The following SEMA6D variants were observed in gnomAD, a reference collection of about 807,000 sequenced individuals.
The protein encoded by SEMA6D is semaphorin 6D, also known as semaphorin-6D.
Under a neutral mutation model 106.6 loss-of-function variants are expected in SEMA6D, and 35 were observed. That is an observed-to-expected ratio of 0.33 (90% CI 0.25 to 0.44). SEMA6D has a LOEUF of 0.44. Among genes scored for constraint, SEMA6D ranks in the 20% least tolerant of loss-of-function variants. The pLI, the probability that SEMA6D is intolerant of heterozygous loss-of-function variation, is 1.00. For missense variants in SEMA6D, 1,185 were observed against 1,345.9 expected (o/e 0.88, Z 1.87); for synonymous variants, 499 against 487.7 (o/e 1.02, Z -0.31).
At chr15:47,421,335 G>A (rs1182087561) in intron 2 of SEMA6D, among the ~76,000 whole-genome samples, 1 of 152,074 alleles carries the variant, frequency 6.6e-6, no homozygotes, top group Non-Finnish European at 1.5e-5. Context: ...CTACTTACCA[G>A]CTATACAATG....
intron 1 of SEMA6D, among the ~76,000 whole-genome samples, chr15:47,297,537 C>T (rs2035853530): frequency 6.6e-6 from 1 of 152,186 alleles, no homozygotes; most frequent in African/African-American, 2.4e-5. Context: ...TTGAAGGAAG[C>T]ATTTATTTAC....
intron 1 of SEMA6D, among the ~76,000 whole-genome samples, chr15:47,755,058 T>C (rs971043566): frequency 1.3e-5 from 2 of 151,766 alleles, no homozygotes; most frequent in African/African-American, 4.8e-5. Flanking sequence ...TTCAAGTAAT[T>C]CTCCTGCCTC....
intron 4 of SEMA6D, among the ~76,000 whole-genome samples, chr15:47,620,251 A>AT (rs2077075256): frequency 6.6e-6 from 1 of 151,256 alleles, no homozygotes; most frequent in African/African-American, 2.5e-5. Context: ...AATGTTTTTG[A>AT]ATTTTTTAAA....
At chr15:47,717,192 A>C (rs908261239), upstream of SEMA6D, 18 of 152,300 alleles carry the variant, frequency 1.2e-4, no homozygotes, top group African/African-American at 4.3e-4. Flanking sequence ...TAGAAGGAGC[A>C]GCTACTCAGA....
chr15:47,592,780 A>G (rs1355605679), intron 3 of SEMA6D, among the ~76,000 whole-genome samples: 1 of 152,244 alleles, frequency 6.6e-6, no homozygotes, highest in African/African-American at 2.4e-5. Context: ...TTCTAACTGT[A>G]GTCCATAATA....
chr15:47,362,443 A>G (rs568102579), intron 1 of SEMA6D, among the ~76,000 whole-genome samples: 1 of 152,264 alleles, frequency 6.6e-6, no homozygotes, highest in South Asian at 2.1e-4. Flanking sequence ...TAACCAGCAG[A>G]GGTGCCCCGG....
intron 3 of SEMA6D, among the ~76,000 whole-genome samples, chr15:47,541,904 CCAAA>C (rs1311785851): frequency 6.6e-6 from 1 of 152,046 alleles, no homozygotes; most frequent in Non-Finnish European, 1.5e-5. Flanking sequence ...GAGCTGTTTC[CCAAA>C]CAGAGTCGGA....
chr15:47,388,300 C>T (rs1179814682), intron 1 of SEMA6D, among the ~76,000 whole-genome samples: 1 of 152,126 alleles, frequency 6.6e-6, no homozygotes, highest in Non-Finnish European at 1.5e-5. Flanking sequence ...TTGCAGTCGT[C>T]CCTCCTTTAC....
At chr15:47,768,401 A>C (rs1306944746) in intron 17 of SEMA6D, among the ~76,000 whole-genome samples, 180 bp from the exon 18 acceptor site, 1 of 152,018 alleles carries the variant, frequency 6.6e-6, no homozygotes, top group Non-Finnish European at 1.5e-5. Flanking sequence ...GTTAATTTTT[A>C]GTTTTCATTC....
chr15:47,218,104 T>C (rs1404392878), intron 1 of SEMA6D, among the ~76,000 whole-genome samples: 1 of 152,134 alleles, frequency 6.6e-6, no homozygotes, highest in East Asian at 1.9e-4. Flanking sequence ...AATTAACCTT[T>C]TAGAGCTTCT....
At chr15:47,297,206 T>G (rs1378581228) in intron 1 of SEMA6D, among the ~76,000 whole-genome samples, 1 of 152,196 alleles carries the variant, frequency 6.6e-6, no homozygotes, top group East Asian at 1.9e-4. Context: ...AAATATATAT[T>G]TGTCTTGGAA....
chr15:47,568,073 G>A (rs1364245232), intron 3 of SEMA6D, among the ~76,000 whole-genome samples: 1 of 151,490 alleles, frequency 6.6e-6, no homozygotes. Context: ...AATTTCAGAG[G>A]TAATGTAGTT....
In SEMA6D at chr15:47,513,457, C is replaced by G. The variant is rs576026397; in HGVS notation, c.-87+42912C>G. The stretch of plus-strand genomic sequence containing the variant: ...TAGTCCTAAATAAGCAGGGAGCCAA[C>G]AGCTTTGCCCTTCCTTGGTCTTGGG... On this transcript the variant is annotated intron_variant, in intron 3 of 19. Coordinates refer to the SEMA6D transcript ENST00000558014. 2.0e-5 allele frequency among the ~76,000 whole-genome samples: 3 copies of G among 152,256 alleles called. No homozygotes were observed. The East Asian group carries it at 5.8e-4, about 29-fold the overall frequency.
At chr15:47,766,057 C>A in intron 14 of SEMA6D, 48 bp downstream of exon 14, 1 of 1,612,428 alleles carries the variant, frequency 6.2e-7, no homozygotes, top group East Asian at 2.2e-5. Flanking sequence ...GTATCGAAAC[C>A]TTTGTTGATG....
intron 1 of SEMA6D, among the ~76,000 whole-genome samples, chr15:47,305,754 T>C (rs542259590): frequency 6.6e-6 from 1 of 152,334 alleles, no homozygotes; most frequent in South Asian, 2.1e-4. Flanking sequence ...ATGGCAGTTC[T>C]GGCTTTTGGA....
chr15:47,386,805 G>T (rs144627420), intron 1 of SEMA6D, among the ~76,000 whole-genome samples: 137 of 152,346 alleles, frequency 9.0e-4, no homozygotes, highest in Non-Finnish European at 1.7e-3. Context: ...AAGCACAGGG[G>T]CTAGAATGGG....
intron 1 of SEMA6D, among the ~76,000 whole-genome samples, chr15:47,274,014 G>A (rs889865539): frequency 2.0e-5 from 3 of 152,016 alleles, no homozygotes; most frequent in Non-Finnish European, 2.9e-5. Flanking sequence ...TAGAGCTTGG[G>A]GGTATGGACC....
intron 1 of SEMA6D, among the ~76,000 whole-genome samples, chr15:47,364,445 T>C (rs746482511): frequency 6.6e-6 from 1 of 152,170 alleles, no homozygotes; most frequent in Non-Finnish European, 1.5e-5. Context: ...TTAGTTCAAA[T>C]AGGCTAGCTC....
At chr15:47,416,015 C>T (rs1046286611) in intron 2 of SEMA6D, among the ~76,000 whole-genome samples, 2 of 152,182 alleles carry the variant, frequency 1.3e-5, no homozygotes, top group East Asian at 1.9e-4. Context: ...TAGAGAAGAA[C>T]GTTAACATAA....
Sources: allele counts gnomAD v4.1 joint callset (sites outside exome capture counted in the v4.1 genomes callset), GRCh38; gene constraint gnomAD v4.1.1; transcripts MANE v1.5; gene names NCBI Gene and HGNC (gene_info 2026-07-23, HGNC 2026-07-21).